DOP1B: variants seen among roughly 807,000 people sequenced by gnomAD.
DOP1B encodes DOP1 leucine zipper like protein B.
In DOP1B, 174 loss-of-function variants were observed where a neutral mutation model predicts 233.5. That is an observed-to-expected ratio of 0.75 (90% CI 0.66 to 0.85). DOP1B has a LOEUF of 0.85. Among genes scored for constraint, DOP1B ranks in the 40% least tolerant of loss-of-function variants. DOP1B has a pLI of 0.00. For synonymous variants in DOP1B, 1,190 were observed against 1,185.6 expected (o/e 1.00, Z -0.08); for missense variants, 2,652 against 2,846.6 (o/e 0.93, Z 1.56).
rs76846387 is a variant in DOP1B at position 36,186,727 on chromosome 21, G to A, written c.139-12343G>A. ...GACCTGAAATACTCTGCACACCTGG[G>A]AAGCTGCAGGCAGACCTCTGAGCTC... On this transcript the variant is annotated intron_variant, in intron 2 of 36. Transcript: ENST00000691173. Among the ~76,000 whole-genome samples, 448 of 152,276 alleles carry A rather than the reference G, an allele frequency of 2.9e-3. 2 individuals carry two copies. The highest frequency in any genetic ancestry group is 0.01 in the African/African-American group (430 of 41,542).
At chr21:36,236,792 T>G (rs1272066255) in intron 15 of DOP1B, among the ~76,000 whole-genome samples, 3 of 149,082 alleles carry the variant, frequency 2.0e-5, no homozygotes, top group African/African-American at 7.4e-5. Context: ...TTTTTTTTTT[T>G]TTGAGACAGA....
rs1402190051 is a variant in DOP1B at position 36,221,881 on chromosome 21, G to A, written c.1251-1350G>A. Reference sequence around the variant, plus strand: ...ATCAGCCACTGCGCACAGCCTGTTTGTTTGTTTTTGAGACGGAGTCTCGCT... The same window carrying A: ...ATCAGCCACTGCGCACAGCCTGTTTATTTGTTTTTGAGACGGAGTCTCGCT... On this transcript the variant is annotated intron_variant, in intron 10 of 36. Transcript: ENST00000691173. Among the ~76,000 whole-genome samples, 3 of 152,168 alleles carry A rather than the reference G, an allele frequency of 2.0e-5. No individual in the cohort carries two copies. In the East Asian group the frequency reaches 5.9e-4, roughly 30 times the overall value.
chr21:36,267,638 T>TTTTC, intron 26 of DOP1B, among the ~76,000 whole-genome samples: 1 of 151,096 alleles, frequency 6.6e-6, no homozygotes, highest in Non-Finnish European at 1.5e-5. Flanking sequence ...TTTTTTTTTT[T>TTTTC]TTTTTGAGAT....
At chr21:36,158,077 G>A (rs1275885778) in intron 1 of DOP1B, among the ~76,000 whole-genome samples, 1 of 152,038 alleles carries the variant, frequency 6.6e-6, no homozygotes, top group African/African-American at 2.4e-5. Context: ...GGGATTACAG[G>A]TATGAGCCAC....
At chr21:36,273,947 A>G (rs976144587) in intron 27 of DOP1B, among the ~76,000 whole-genome samples, 1 of 151,992 alleles carries the variant, frequency 6.6e-6, no homozygotes, top group Non-Finnish European at 1.5e-5. Flanking sequence ...GTGTGGTGGC[A>G]GGTACCTGTA....
intron 32 of DOP1B, among the ~76,000 whole-genome samples, chr21:36,283,247 A>G (rs1358894364): frequency 6.6e-6 from 1 of 151,818 alleles, no homozygotes; most frequent in African/African-American, 2.4e-5. Context: ...TGTCCGGCTA[A>G]TTTTTGAATT....
intron 2 of DOP1B, among the ~76,000 whole-genome samples, chr21:36,192,356 CA>C (rs573970546): frequency 4.4e-4 from 55 of 125,192 alleles, no homozygotes; most frequent in South Asian, 1.1e-3. Flanking sequence ...AAGACACTGT[CA>C]AAAAAAAAAA....
At chr21:36,293,088 C>T (rs1356926072) in intron 36 of DOP1B, among the ~76,000 whole-genome samples, 1 of 151,924 alleles carries the variant, frequency 6.6e-6, no homozygotes, top group Admixed American at 6.6e-5. Context: ...TACCTGTAAT[C>T]CCAGCTACTC....
chr21:36,224,811 A>C (rs1290604376), intron 11 of DOP1B, among the ~76,000 whole-genome samples: 1 of 151,756 alleles, frequency 6.6e-6, no homozygotes, highest in Admixed American at 6.6e-5. Context: ...TTCTCTACAG[A>C]AGCTGAAACT....
intron 9 of DOP1B, among the ~76,000 whole-genome samples, 158 bp downstream of exon 9, chr21:36,214,714 ATAT>A (rs2066540621): frequency 6.6e-6 from 1 of 152,186 alleles, no homozygotes; most frequent in African/African-American, 2.4e-5. Flanking sequence ...TTCAATGATC[ATAT>A]CTGTGGTCAC....
At chr21:36,256,906 A>G (rs2067104243) in intron 23 of DOP1B, among the ~76,000 whole-genome samples, 4 of 152,096 alleles carry the variant, frequency 2.6e-5, no homozygotes, top group African/African-American at 7.2e-5. Flanking sequence ...GTGTCCTCCA[A>G]TTCAATTCCT....
intron 1 of DOP1B, among the ~76,000 whole-genome samples, chr21:36,163,685 A>G (rs927523811): frequency 7.9e-5 from 12 of 152,202 alleles, no homozygotes; most frequent in African/African-American, 2.7e-4. Context: ...TCATATATCA[A>G]TTAGGATTGT....
At chr21:36,176,087 G>GGTGTGTGCGTGTGTGT (rs1555886131) in intron 2 of DOP1B, among the ~76,000 whole-genome samples, 2 of 96,534 alleles carry the variant, frequency 2.1e-5, no homozygotes, top group African/African-American at 7.0e-5. Flanking sequence ...TCGACTTTGG[G>GGTGTGTGCGTGTGTGT]GTGTGTGTGC....
intron 12 of DOP1B, among the ~76,000 whole-genome samples, chr21:36,227,391 C>G (rs573657753): frequency 1.3e-5 from 2 of 150,960 alleles, no homozygotes; most frequent in African/African-American, 2.4e-5. Flanking sequence ...ACTAAACATA[C>G]AAAAAATTAG....
chr21:36,226,375 G>A (rs2066682750), intron 12 of DOP1B, among the ~76,000 whole-genome samples: 1 of 150,370 alleles, frequency 6.7e-6, no homozygotes. Flanking sequence ...TCGGCTCACT[G>A]CAACCTCCGC....
At position 36,231,150 on chromosome 21, in the gene DOP1B, G is replaced by A; in HGVS notation, c.2350+16G>A. 8 of 1,559,542 alleles carry A rather than the reference G, an allele frequency of 5.1e-6. No homozygotes were observed. Among genetic ancestry groups the A allele is most frequent in the Non-Finnish European group, 7.0e-6 (8 of 1,150,170 alleles). ...CAGCTGCCAGGTGAGAGGCAGCCCT[G>A]CCGAAGTCCCTCTTTGGGAATCATA... On this transcript the variant is annotated intron_variant, in intron 14 of 36. Transcript: ENST00000691173.
intron 11 of DOP1B, among the ~76,000 whole-genome samples, chr21:36,223,700 G>A (rs755264520): frequency 1.6e-4 from 25 of 152,280 alleles, no homozygotes; most frequent in Middle Eastern, 3.4e-3. Context: ...GTGGCTTTGT[G>A]ACTGGATAGA....
At chr21:36,281,392 G>T in intron 31 of DOP1B, 91 bp from the exon 32 acceptor site, 3 of 1,342,024 alleles carry the variant, frequency 2.2e-6, no homozygotes, top group South Asian at 1.7e-5. Context: ...TTTTCACCAG[G>T]GAATATAGAA....
intron 2 of DOP1B, among the ~76,000 whole-genome samples, chr21:36,178,533 G>A (rs2066057753): frequency 6.6e-6 from 1 of 152,126 alleles, no homozygotes. Context: ...GCCAGGAAGA[G>A]AGCTGAAACT....
Sources: allele counts gnomAD v4.1 joint callset (sites outside exome capture counted in the v4.1 genomes callset), GRCh38; gene constraint gnomAD v4.1.1; transcripts MANE v1.5; gene names NCBI Gene and HGNC (gene_info 2026-07-23, HGNC 2026-07-21).